The following DNAH11 variants were observed in gnomAD, a reference collection of about 807,000 sequenced individuals.
DNAH11 encodes the protein axonemal beta dynein heavy chain 11.
A neutral mutation model predicts 526.0 loss-of-function variants in DNAH11; 442 were observed. The observed-to-expected ratio is 0.84, with a 90% CI of 0.78 to 0.91. The LOEUF (loss-of-function observed/expected upper bound fraction) is 0.91, where lower values mean the gene tolerates loss of function less well. DNAH11 is among the 40% of genes least tolerant of loss of function. The pLI, the probability that DNAH11 is intolerant of heterozygous loss-of-function variation, is 0.00. For synonymous variants in DNAH11, 2,461 were observed against 1,935.9 expected (o/e 1.27, Z -7.12); for missense variants, 6,989 against 5,448.7 (o/e 1.28, Z -8.90).
intron 46 of DNAH11, among the ~76,000 whole-genome samples, chr7:21,737,175 C>T (rs768627218): frequency 6.6e-6 from 1 of 152,104 alleles, no homozygotes; most frequent in African/African-American, 2.4e-5. Flanking sequence ...ATAGAAGGAC[C>T]AGCTTAAGCA....
intron 42 of DNAH11, among the ~76,000 whole-genome samples, chr7:21,717,507 A>G (rs1215023302): frequency 2.0e-5 from 3 of 152,162 alleles, no homozygotes; most frequent in African/African-American, 7.2e-5. Flanking sequence ...AATGCTCGGT[A>G]ATGGTCTACT....
At chr7:21,546,126 G>A (rs1782795607) in intron 2 of DNAH11, among the ~76,000 whole-genome samples, 1 of 152,236 alleles carries the variant, frequency 6.6e-6, no homozygotes, top group African/African-American at 2.4e-5. Context: ...CGATATTTAA[G>A]GTAGGAAAAA....
At chr7:21,882,941 A>C (rs1783976381) in intron 75 of DNAH11, among the ~76,000 whole-genome samples, 2 of 152,256 alleles carry the variant, frequency 1.3e-5, no homozygotes, top group South Asian at 4.1e-4. Context: ...AATGTGTTGC[A>C]AGCATCGATT....
chr7:21,837,021 G>A (rs1782021587), intron 65 of DNAH11, among the ~76,000 whole-genome samples: 1 of 152,072 alleles, frequency 6.6e-6, no homozygotes, highest in Admixed American at 6.6e-5. Flanking sequence ...TCAGGGAAAT[G>A]CAAATCAAAA....
At chr7:21,866,320 C>CAAAAAAAAAAAA (rs35623271) in intron 70 of DNAH11, 150 bp from the exon 71 acceptor site, 1 of 420,322 alleles carries the variant, frequency 2.4e-6, no homozygotes, top group Non-Finnish European at 3.8e-6. Flanking sequence ...CTCAGCAGAG[C>CAAAAAAAAAAAA]AAAAAAAAAA....
Position 21,711,704 on chromosome 7 carries a change from C to T in DNAH11, c.6835-8C>T, listed in dbSNP as rs763888824. 7 of 1,611,860 alleles carry T rather than the reference C, an allele frequency of 4.3e-6. No homozygotes were observed. In the African/African-American group the frequency reaches 6.7e-5, roughly 15 times the overall value. ...TGCCCATGGGTGACAGTGTGCTGCT[C>T]ACTCCAGGTGCTGACCCTCGCCAGC... On this transcript the variant is annotated splice_region_variant and splice_polypyrimidine_tract_variant and intron_variant, in intron 41 of 81. Coordinates refer to ENST00000409508, the MANE Select transcript of DNAH11 (RefSeq NM_001277115.2).
intron 6 of DNAH11, 53 bp downstream of exon 6, chr7:21,564,450 T>A: frequency 7.4e-7 from 1 of 1,346,850 alleles, no homozygotes; most frequent in Non-Finnish European, 1.0e-6. Context: ...TGAGGTAGGT[T>A]TTACGAGACT....
At chr7:21,631,424 T>G (rs996708964) in intron 25 of DNAH11, among the ~76,000 whole-genome samples, 18 of 152,180 alleles carry the variant, frequency 1.2e-4, no homozygotes, top group African/African-American at 3.9e-4. Context: ...CCACAGTTGT[T>G]CAAAGTCTCA....
intron 79 of DNAH11, among the ~76,000 whole-genome samples, chr7:21,897,660 G>A (rs1784570584): frequency 6.6e-6 from 1 of 152,104 alleles, no homozygotes; most frequent in South Asian, 2.1e-4. Flanking sequence ...CTGTTGCCTA[G>A]GCTGGAGTGC....
In DNAH11 at chr7:21,550,498, A is replaced by C. The variant is rs114910817; in HGVS notation, c.495+5349A>C. 6.4e-3 allele frequency among the ~76,000 whole-genome samples: 981 copies of C among 152,270 alleles called. 14 individuals carry two copies. Among genetic ancestry groups the C allele is most frequent in the African/African-American group, 0.021 (887 of 41,546 alleles). Reference sequence around the variant, plus strand: ...TAATAACTTGTAGAGGGATAATCCCAAGTCTTTTCTTGGGGCTGTTCTAAT... The same window carrying C: ...TAATAACTTGTAGAGGGATAATCCCCAGTCTTTTCTTGGGGCTGTTCTAAT... On this transcript the variant is annotated intron_variant, in intron 2 of 81. Coordinates refer to ENST00000409508, the MANE Select transcript of DNAH11 (RefSeq NM_001277115.2).
chr7:21,833,025 C>G (rs1245623894), intron 65 of DNAH11, among the ~76,000 whole-genome samples: 3 of 152,208 alleles, frequency 2.0e-5, no homozygotes, highest in African/African-American at 4.8e-5. Flanking sequence ...CATACACATA[C>G]ACCACACAAA....
intron 65 of DNAH11, among the ~76,000 whole-genome samples, chr7:21,834,584 A>G (rs1261381899): frequency 6.6e-6 from 1 of 152,168 alleles, no homozygotes; most frequent in African/African-American, 2.4e-5. Context: ...TATAATTCCA[A>G]CACTTTGGGA....
chr7:21,866,587 T>C lies in DNAH11; in HGVS notation c.11614T>C (p.Trp3872Arg). 6.2e-7 allele frequency: 1 copy of C among 1,613,776 alleles called. No individual in the cohort carries two copies. Among genetic ancestry groups the C allele is most frequent in the Non-Finnish European group, 8.5e-7 (1 of 1,179,838 alleles). Residue 3872 changes from tryptophan (W) to arginine (R), a missense_variant, in exon 71 of 82, where the codon TGG becomes CGG. Transcript: ENST00000409508. ...CPEKEKLPQE[W>R]KKKSLIQKLI... ...AGAAAAAGAAAAATTACCTCAAGAA[T>C]GGAAGAAGAAAAGTTTAATACAGAA...
Position 21,591,183 on chromosome 7 carries a change from A to G in DNAH11, c.2275-2A>G. The stretch of plus-strand genomic sequence containing the variant: ...TTTTGTTTTGGGGTTTTCTTTGCTC[A>G]GTACATTGGAAATCTTGACCTTCTT... On this transcript the variant is annotated splice_acceptor_variant, in intron 13 of 81. Transcript: ENST00000409508. LOFTEE classifies it high-confidence loss of function. 2.0e-6 allele frequency: 3 copies of G among 1,538,146 alleles called. No homozygotes were observed. The highest frequency in any genetic ancestry group is 1.3e-5 in the South Asian group (1 of 74,290).
intron 46 of DNAH11, among the ~76,000 whole-genome samples, chr7:21,736,324 A>G (rs1163400270): frequency 6.6e-6 from 1 of 152,230 alleles, no homozygotes; most frequent in African/African-American, 2.4e-5. Flanking sequence ...AACGTAATCA[A>G]AAGAACCACA....
chr7:21,666,190 A>T (rs991148), intron 30 of DNAH11, among the ~76,000 whole-genome samples: 1 of 152,060 alleles, frequency 6.6e-6, no homozygotes, highest in Non-Finnish European at 1.5e-5. Context: ...CCTTGGATCT[A>T]TGGTGATTGC....
At chr7:21,760,552 C>T (rs895549338) in intron 54 of DNAH11, among the ~76,000 whole-genome samples, 2 of 152,192 alleles carry the variant, frequency 1.3e-5, no homozygotes, top group Non-Finnish European at 2.9e-5. Context: ...TACTGAGATA[C>T]CTTGATACTT....
chr7:21,811,875 A>G (rs959323412), intron 63 of DNAH11, among the ~76,000 whole-genome samples: 1 of 152,202 alleles, frequency 6.6e-6, no homozygotes, highest in Admixed American at 6.5e-5. Flanking sequence ...TTAGGTTTCA[A>G]TGATGAAATA....
intron 69 of DNAH11, among the ~76,000 whole-genome samples, chr7:21,862,840 G>A (rs1325764705): frequency 1.3e-5 from 2 of 152,040 alleles, no homozygotes; most frequent in Non-Finnish European, 2.9e-5. Context: ...CACTTTGGGA[G>A]GATCACCAGG....
Sources: allele counts gnomAD v4.1 joint callset (sites outside exome capture counted in the v4.1 genomes callset), GRCh38; gene constraint gnomAD v4.1.1; transcripts MANE v1.5; gene names NCBI Gene and HGNC (gene_info 2026-07-23, HGNC 2026-07-21).